The following SERPINB7 variants were observed in gnomAD, a reference collection of about 807,000 sequenced individuals.
The protein encoded by SERPINB7 is serpin B7.
A neutral mutation model predicts 37.4 loss-of-function variants in SERPINB7; 31 were observed. The observed-to-expected ratio is 0.83, with a 90% CI of 0.62 to 1.12. The LOEUF (loss-of-function observed/expected upper bound fraction) is 1.12. Among genes scored for constraint, SERPINB7 ranks in the 50% most tolerant of loss-of-function variants. The pLI is 0.00. For missense variants in SERPINB7, 521 were observed against 455.3 expected, an observed-to-expected ratio of 1.14 and a Z score of -1.31; for synonymous variants, 163 against 166.1, an observed-to-expected ratio of 0.98 and a Z score of 0.14.
chr18:63,794,287 T>C (rs1033158248), intron 4 of SERPINB7, among the ~76,000 whole-genome samples: 1 of 151,736 alleles, frequency 6.6e-6, no homozygotes, highest in Non-Finnish European at 1.5e-5. Flanking sequence ...TGGTAGAGAA[T>C]AGCAACATCT....
At chr18:63,769,888 G>A (rs1186263529) in intron 1 of SERPINB7, among the ~76,000 whole-genome samples, 1 of 151,660 alleles carries the variant, frequency 6.6e-6, no homozygotes, top group Admixed American at 6.6e-5. Context: ...CCTGGGAGGG[G>A]AAGGGGTGCT....
At chr18:63,774,718 G>A (rs1422797037), upstream of SERPINB7, among the ~76,000 whole-genome samples, 1 of 152,086 alleles carries the variant, frequency 6.6e-6, no homozygotes, top group Non-Finnish European at 1.5e-5. Context: ...AGGCTGGCAG[G>A]ATGACAAGAA....
chr18:63,801,919 G>A (rs1239176307), intron 7 of SERPINB7, among the ~76,000 whole-genome samples: 1 of 152,160 alleles, frequency 6.6e-6, no homozygotes, highest in Admixed American at 6.5e-5. Flanking sequence ...CATCGTGGCG[G>A]AATTCAGGCC....
At position 63,793,291 on chromosome 18, in the gene SERPINB7, C is replaced by T. The variant is rs1350603158; in HGVS notation, c.336+14C>T. 7.2e-7 allele frequency: 1 copy of T among 1,382,044 alleles called. No individual in the cohort carries two copies. The highest frequency in any genetic ancestry group is 1.0e-6 in the Non-Finnish European group (1 of 980,152). The allele number at this position is 1,382,044 out of a possible 1,614,324, so 85.6% of individuals were successfully genotyped here. On this transcript the variant is annotated intron_variant, in intron 4 of 7. Coordinates refer to ENST00000398019, the MANE Select transcript of SERPINB7 (RefSeq NM_003784.4). ...GGCTTTCATAAGGTAAGTGAAACTG[C>T]CTTTGTTAGAAGGACCTGAATCTTG...
intron 4 of SERPINB7, among the ~76,000 whole-genome samples, chr18:63,793,642 C>G (rs2049452978): frequency 6.6e-6 from 1 of 152,054 alleles, no homozygotes; most frequent in Non-Finnish European, 1.5e-5. Flanking sequence ...GTCGCTGTGA[C>G]CACAGGTGCA....
intron 2 of SERPINB7, among the ~76,000 whole-genome samples, chr18:63,783,226 G>GAAAGAAAGAA (rs1568207832): frequency 1.7e-4 from 11 of 62,884 alleles, no homozygotes; most frequent in African/African-American, 5.2e-4. Flanking sequence ...GAGAGAGAGA[G>GAAAGAAAGAA]AGAGAGAGAA....
At position 63,804,486 on chromosome 18, in the gene SERPINB7, G is replaced by C; in HGVS notation, c.994G>C (p.Glu332Gln). The C allele has an allele frequency of 6.2e-7, 1 of 1,613,738 alleles. No homozygotes were observed. The highest frequency in any genetic ancestry group is 1.7e-5 in the Admixed American group (1 of 59,920). Residue 332 changes from glutamate (E) to glutamine (Q), a missense_variant, in exon 8 of 8, where the codon GAG (glutamate) becomes CAG (glutamine). Coordinates refer to ENST00000398019, the MANE Select transcript of SERPINB7 (RefSeq NM_003784.4). ...MHKSYIEVTE[E>Q]GTEATAATGS... ...CAAATCTTACATAGAGGTCACTGAGGAGGGCACCGAGGCTACTGCTGCCAC... is the reference window on the plus strand; with the variant it reads ...CAAATCTTACATAGAGGTCACTGAGCAGGGCACCGAGGCTACTGCTGCCAC...
At chr18:63,792,498 C>G in intron 3 of SERPINB7, 55 bp downstream of exon 3, 1 of 1,212,058 alleles carries the variant, frequency 8.3e-7, no homozygotes, top group Non-Finnish European at 1.2e-6. Context: ...TGCAGGGGCT[C>G]AAGCCTGTAA....
rs181119983 is a variant in SERPINB7 at position 63,776,510 on chromosome 18, T to G, written c.-19+794T>G. Among the ~76,000 whole-genome samples, 30 of 151,922 alleles carry G rather than the reference T, an allele frequency of 2.0e-4. No homozygotes were observed. In the East Asian group the frequency reaches 5.4e-3, roughly 27 times the overall value. On this transcript the variant is annotated intron_variant, in intron 1 of 7. Transcript: ENST00000398019. ...TGGCGTGGGAGCTGATGGCTACTGCTGTGGTGATTTCAGACAGTCTTGAGA... is the reference window on the plus strand; with the variant it reads ...TGGCGTGGGAGCTGATGGCTACTGCGGTGGTGATTTCAGACAGTCTTGAGA...
chr18:63,753,612 A>C (rs530746760), intron 1 of SERPINB7, among the ~76,000 whole-genome samples: 4 of 152,356 alleles, frequency 2.6e-5, no homozygotes, highest in Admixed American at 6.5e-5. Context: ...TTTGTTAAGC[A>C]AATGATCCAG....
At chr18:63,794,341 C>T (rs962688394) in intron 4 of SERPINB7, among the ~76,000 whole-genome samples, 1 of 151,932 alleles carries the variant, frequency 6.6e-6, no homozygotes, top group African/African-American at 2.4e-5. Flanking sequence ...TTATTCCTTG[C>T]TGACATCTTG....
chr18:63,772,970 A>C (rs2049219905), upstream of SERPINB7, among the ~76,000 whole-genome samples: 1 of 152,150 alleles, frequency 6.6e-6, no homozygotes, highest in Admixed American at 6.6e-5. Context: ...ATTCATGTCA[A>C]AAGTAAAAGA....
intron 1 of SERPINB7, among the ~76,000 whole-genome samples, chr18:63,754,880 CTTTTTTTTTTTTTTTT>C (rs71162676): frequency 1.7e-5 from 1 of 57,940 alleles, no homozygotes; most frequent in Non-Finnish European, 3.0e-5. Context: ...AAACTGAGGT[CTTTTTTTTTTTTTTTT>C]TTTTTTTTTT....
chr18:63,798,205 T>C (rs139931366), intron 5 of SERPINB7, among the ~76,000 whole-genome samples: 151 of 152,324 alleles, frequency 9.9e-4, no homozygotes, highest in Non-Finnish European at 2.0e-3. Flanking sequence ...TTTCAATGGA[T>C]TGAAGTACTG....
chr18:63,766,319 G>A (rs2049180422), intron 1 of SERPINB7, among the ~76,000 whole-genome samples: 1 of 152,098 alleles, frequency 6.6e-6, no homozygotes. Context: ...AGAAAAAGAG[G>A]GAGAATGAAT....
chr18:63,757,889 G>T (rs1345461191), intron 1 of SERPINB7, among the ~76,000 whole-genome samples: 2 of 152,130 alleles, frequency 1.3e-5, no homozygotes, highest in Non-Finnish European at 2.9e-5. Flanking sequence ...TTTTGCCAAG[G>T]GTTCCTTTCT....
intron 1 of SERPINB7, among the ~76,000 whole-genome samples, chr18:63,757,878 G>A (rs2049130558): frequency 6.6e-6 from 1 of 152,158 alleles, no homozygotes. Context: ...ACCTTCCTAG[G>A]TTTTGCCAAG....
chr18:63,773,259 A>G (rs2049221914), upstream of SERPINB7, among the ~76,000 whole-genome samples: 1 of 152,134 alleles, frequency 6.6e-6, no homozygotes, highest in Admixed American at 6.6e-5. Context: ...TTATATAAAA[A>G]TTTCAATGTC....
At position 63,793,206 on chromosome 18, in the gene SERPINB7, G is replaced by A; in HGVS notation, c.265G>A (p.Ala89Thr). 1 of 1,605,630 alleles carries A rather than the reference G, an allele frequency of 6.2e-7. No homozygotes were observed. The highest frequency in any genetic ancestry group is 8.5e-7 in the Non-Finnish European group (1 of 1,175,240). Residue 89 changes from alanine to threonine, a missense_variant, in exon 4 of 8, where the codon GCA (alanine) becomes ACA (threonine). Transcript: ENST00000398019. ...QLKRVFSDIN[A>T]SHKDYDLSIV... ...GAAAAGAGTTTTTTCTGATATAAAT[G>A]CATCCCACAAGGATTATGATCTCAG... is the stretch of plus-strand genomic sequence containing the variant.
Sources: gnomAD v4.1 joint callset for allele counts (sites outside exome capture counted in the v4.1 genomes callset) on GRCh38, gnomAD v4.1.1 for gene constraint, MANE v1.5 for transcripts, NCBI Gene and HGNC (gene_info 2026-07-23, HGNC 2026-07-21) for gene names.